The following CACNA1C variants were observed in gnomAD, a reference collection of about 807,000 sequenced individuals.
CACNA1C encodes voltage-dependent L-type calcium channel subunit alpha-1C.
A neutral mutation model predicts 229.0 loss-of-function variants in CACNA1C; 30 were observed. That is an observed-to-expected ratio of 0.13 (90% CI 0.10 to 0.18). CACNA1C has a LOEUF of 0.18. Ranked by LOEUF, CACNA1C falls within the 10% of genes least tolerant of loss-of-function variation. The pLI, the probability that CACNA1C is intolerant of heterozygous loss-of-function variation, is 1.00. For missense variants in CACNA1C, 1,658 were observed against 2,845.0 expected (o/e 0.58, Z 9.49); for synonymous variants, 1,114 against 1,132.5 (o/e 0.98, Z 0.33).
intron 3 of CACNA1C, among the ~76,000 whole-genome samples, chr12:2,141,766 C>A (rs1343436222): frequency 6.6e-6 from 1 of 151,188 alleles, no homozygotes; most frequent in Non-Finnish European, 1.5e-5. Context: ...CTGTGGACAC[C>A]CAGATTGCTG....
intron 3 of CACNA1C, among the ~76,000 whole-genome samples, chr12:2,266,504 G>A (rs2082456234): frequency 6.6e-6 from 1 of 152,232 alleles, no homozygotes; most frequent in South Asian, 2.1e-4. Flanking sequence ...GCCAGGGCTG[G>A]CATGATGTGC....
intron 9 of CACNA1C, among the ~76,000 whole-genome samples, chr12:2,523,321 G>A (rs1325235475): frequency 1.3e-5 from 2 of 152,210 alleles, no homozygotes; most frequent in Non-Finnish European, 2.9e-5. Flanking sequence ...TTAAGAGGCA[G>A]TTTTGTTTGG....
At chr12:2,130,351 G>A (rs868102642) in intron 3 of CACNA1C, among the ~76,000 whole-genome samples, 40 of 143,040 alleles carry the variant, frequency 2.8e-4, no homozygotes, top group African/African-American at 9.4e-4. Context: ...TGTGCACATT[G>A]TGCAGGTTAG....
intron 3 of CACNA1C, among the ~76,000 whole-genome samples, chr12:2,419,682 G>A (rs902138036): frequency 6.6e-6 from 1 of 152,166 alleles, no homozygotes; most frequent in East Asian, 1.9e-4. Context: ...TCAAAGAATA[G>A]TCCCTCTAGA....
In CACNA1C at chr12:2,407,260, C is replaced by T. The variant is rs182201634; in HGVS notation, c.478-41716C>T. Among the ~76,000 whole-genome samples, 1,269 of 152,316 alleles carry T rather than the reference C, an allele frequency of 8.3e-3. 35 individuals are homozygous for T. The highest frequency in any genetic ancestry group is 0.052 in the Admixed American group (796 of 15,288). On this transcript the variant is annotated intron_variant, in intron 3 of 46. Coordinates refer to ENST00000399655, the MANE Select transcript of CACNA1C (RefSeq NM_000719.7). ...GGGTGGAAGTTCAGTTTTCTCACATCGTCTCCACCGACACCATGTGGGTAC... is the reference window on the plus strand; with the variant it reads ...GGGTGGAAGTTCAGTTTTCTCACATTGTCTCCACCGACACCATGTGGGTAC...
Position 2,665,832 on chromosome 12 carries a change from A to G in CACNA1C, c.4526+124A>G, listed in dbSNP as rs1165667827. The G allele has an allele frequency of 1.3e-5, 13 of 973,756 alleles. No homozygotes were observed. Among genetic ancestry groups the G allele is most frequent in the Non-Finnish European group, 1.9e-5 (13 of 678,172 alleles). The allele number at this position is 973,756 out of a possible 1,614,324, so 60.3% of individuals were successfully genotyped here. A position where few individuals can be genotyped will look rare whatever the true frequency, so the allele number is the denominator to read the frequency against. ...TCAATTAGAAACACTGGATTGTATC[A>G]CACCCTAGGGTGAAAGGTCAAGGGC... On this transcript the variant is annotated intron_variant, in intron 36 of 46. Transcript: ENST00000399655. This position sits in a 1 kb window ranked among gnomAD's most constrained non-coding sequence, Gnocchi z 5.9.
intron 3 of CACNA1C, among the ~76,000 whole-genome samples, chr12:2,418,349 C>T (rs1042655222): frequency 1.3e-5 from 2 of 152,158 alleles, no homozygotes; most frequent in South Asian, 2.1e-4. Flanking sequence ...CAACCACTGC[C>T]ATTGGGTTGT....
At chr12:2,641,509 G>GC in intron 30 of CACNA1C, 4 of 579,736 alleles carry the variant, frequency 6.9e-6, no homozygotes, top group Admixed American at 3.0e-5. Context: ...TCTCCCTCCA[G>GC]CCCCCCTTCT....
intron 21 of CACNA1C, among the ~76,000 whole-genome samples, chr12:2,599,514 A>C (rs1368750500): frequency 4.6e-5 from 7 of 152,206 alleles, no homozygotes; most frequent in Non-Finnish European, 1.0e-4. Context: ...AAATCACAAA[A>C]AAAGACAGGT....
At chr12:2,290,355 G>T (rs915940884) in intron 3 of CACNA1C, among the ~76,000 whole-genome samples, 1 of 152,218 alleles carries the variant, frequency 6.6e-6, no homozygotes, top group Non-Finnish European at 1.5e-5. Context: ...CAGCTGGGCA[G>T]GGGCGTGTTT....
upstream of CACNA1C, among the ~76,000 whole-genome samples, chr12:2,052,640 C>A (rs1355063508): frequency 2.1e-4 from 30 of 144,772 alleles, no homozygotes; most frequent in African/African-American, 6.2e-4. Flanking sequence ...CCGCGGCTGG[C>A]GCCCGGGTGC....
rs1314386178 is a variant in CACNA1C at position 2,693,323 on chromosome 12, A to G, written c.*2124A>G. The G allele has an allele frequency of 6.6e-6, 1 of 152,240 alleles. No homozygotes were observed. The highest frequency in any genetic ancestry group is 2.4e-5 in the African/African-American group (1 of 41,450). 9.4% of individuals were successfully genotyped at this position (152,240 alleles called of 1,614,324 possible). A position where few individuals can be genotyped will look rare whatever the true frequency, so the allele number is the denominator to read the frequency against. On this transcript the variant is annotated 3_prime_UTR_variant, in exon 47 of 47. Coordinates refer to ENST00000399655, the MANE Select transcript of CACNA1C (RefSeq NM_000719.7). ...CATCCGCATCCCCCATGGAAGAGGT[A>G]GCTGGCTTTCCCTTCCCTTCCACCA...
At chr12:2,513,631 A>C (rs2099789817) in intron 9 of CACNA1C, among the ~76,000 whole-genome samples, 1 of 152,242 alleles carries the variant, frequency 6.6e-6, no homozygotes, top group Admixed American at 6.5e-5. Context: ...GATAGAAATG[A>C]AAGTGATGGA....
chr12:2,391,064 G>A (rs867585915), intron 3 of CACNA1C, among the ~76,000 whole-genome samples: 6 of 152,308 alleles, frequency 3.9e-5, no homozygotes, highest in Middle Eastern at 3.4e-3. Context: ...CAGCTGAGAC[G>A]ATAGGACGCA....
intron 1 of CACNA1C, among the ~76,000 whole-genome samples, chr12:2,097,238 C>CG (rs1275764459): frequency 3.3e-5 from 5 of 152,238 alleles, no homozygotes; most frequent in Admixed American, 2.0e-4. Context: ...CTCCGCCTCC[C>CG]AGGTTCACAC....
intron 3 of CACNA1C, among the ~76,000 whole-genome samples, chr12:2,434,811 C>T (rs2099118503): frequency 6.6e-6 from 1 of 152,228 alleles, no homozygotes; most frequent in South Asian, 2.1e-4. Context: ...CTTTTCTCTT[C>T]CTCTTCTCCC....
chr12:2,004,412 C>A (rs1042503732), intron 1 of CACNA1C: 1 of 1,610,628 alleles, frequency 6.2e-7, no homozygotes, highest in African/African-American at 1.3e-5. Context: ...CACCAGGCCG[C>A]CTGCCGCCAC....
intron 10 of CACNA1C, among the ~76,000 whole-genome samples, chr12:2,553,513 G>C (rs983085185): frequency 2.0e-5 from 3 of 152,210 alleles, no homozygotes; most frequent in Non-Finnish European, 2.9e-5. Flanking sequence ...CCAGTGAGTC[G>C]TCGAGAGGAT....
At chr12:2,090,405 T>G (rs1318318017) in intron 1 of CACNA1C, among the ~76,000 whole-genome samples, 1 of 141,366 alleles carries the variant, frequency 7.1e-6, no homozygotes, top group Non-Finnish European at 1.5e-5. Context: ...GCAACCTCGG[T>G]CTCCCAGGTT....
Sources: allele counts gnomAD v4.1 joint callset (sites outside exome capture counted in the v4.1 genomes callset), GRCh38; gene constraint gnomAD v4.1.1; non-coding constraint Gnocchi (gnomAD v3.1); transcripts MANE v1.5; gene names NCBI Gene and HGNC (gene_info 2026-07-23, HGNC 2026-07-21).